The following RBFOX1 variants were observed in gnomAD, a reference collection of about 807,000 sequenced individuals.
RBFOX1 encodes the protein RNA binding protein fox-1 homolog 1.
A neutral mutation model predicts 57.7 loss-of-function variants in RBFOX1; 8 were observed. The observed-to-expected ratio is 0.14, with a 90% confidence interval of 0.08 to 0.25. RBFOX1 has a LOEUF of 0.25. RBFOX1 is among the 10% of genes least tolerant of loss of function. The pLI, the probability that RBFOX1 is intolerant of heterozygous loss-of-function variation, is 1.00. For missense variants in RBFOX1, 611 were observed against 548.5 expected (o/e 1.11, Z -1.14); for synonymous variants, 326 against 222.4 (o/e 1.47, Z -4.15).
intron 3 of RBFOX1, among the ~76,000 whole-genome samples, chr16:5,766,972 C>A (rs1436699882): frequency 3.3e-5 from 5 of 152,190 alleles, no homozygotes; most frequent in African/African-American, 1.2e-4. Flanking sequence ...TAGTTCCCAT[C>A]ACCTTATTTC....
intron 3 of RBFOX1, among the ~76,000 whole-genome samples, chr16:6,952,649 C>G (rs1299076071): frequency 2.0e-5 from 3 of 150,180 alleles, no homozygotes; most frequent in African/African-American, 7.3e-5. Flanking sequence ...CTCCTCCCTC[C>G]AAAAAAAAGA....
At chr16:7,492,416 T>A (rs1208250739) in intron 4 of RBFOX1, among the ~76,000 whole-genome samples, 1 of 152,006 alleles carries the variant, frequency 6.6e-6, no homozygotes, top group East Asian at 1.9e-4. Context: ...CTATAATCAT[T>A]CTTTAGTTTC....
chr16:6,427,761 C>A (rs1234906127), intron 2 of RBFOX1, among the ~76,000 whole-genome samples: 1 of 152,034 alleles, frequency 6.6e-6, no homozygotes, highest in Non-Finnish European at 1.5e-5. Flanking sequence ...CAGTGTGATA[C>A]AATGGTAGGA....
At chr16:5,869,602 A>C (rs4786064) in intron 4 of RBFOX1, among the ~76,000 whole-genome samples, 1 of 151,826 alleles carries the variant, frequency 6.6e-6, no homozygotes, top group Non-Finnish European at 1.5e-5. Flanking sequence ...GGGTTTCACC[A>C]TGTTGGCCAG....
chr16:6,314,171 G>C (rs1217282609), intron 1 of RBFOX1, among the ~76,000 whole-genome samples: 1 of 152,136 alleles, frequency 6.6e-6, no homozygotes, highest in Non-Finnish European at 1.5e-5. Flanking sequence ...CTGGAATGAA[G>C]GTCAATGTCC....
At chr16:5,497,424 A>G (rs1022357451) in intron 2 of RBFOX1, among the ~76,000 whole-genome samples, 13 of 151,996 alleles carry the variant, frequency 8.6e-5, no homozygotes, top group African/African-American at 2.2e-4. Flanking sequence ...ACTATGTGCT[A>G]TGTATTCAAC....
At chr16:7,374,489 C>G (rs113753366) in intron 4 of RBFOX1, among the ~76,000 whole-genome samples, 242 of 152,218 alleles carry the variant, frequency 1.6e-3, no homozygotes, top group Middle Eastern at 0.01. Context: ...CCAGCAGACT[C>G]TAGCCTTAAG....
rs187536432 is a variant in RBFOX1 at position 5,708,266 on chromosome 16, A to G, written c.318+109305A>G. Among the ~76,000 whole-genome samples the G allele has an allele frequency of 1.1e-4, 17 of 152,208 alleles. No individual in the cohort carries two copies. In the East Asian group the frequency reaches 2.9e-3, roughly 26 times the overall value. ...ATAATTTTGCTTATTCATTTGGTAAATATGTATCAAGCAGATGAAGTATGA... is the reference window on the plus strand; with the variant it reads ...ATAATTTTGCTTATTCATTTGGTAAGTATGTATCAAGCAGATGAAGTATGA... On this transcript the variant is annotated intron_variant, in intron 3 of 19. Transcript: ENST00000641259.
intron 3 of RBFOX1, among the ~76,000 whole-genome samples, chr16:5,625,939 C>T (rs1371113118): frequency 6.6e-6 from 1 of 152,018 alleles, no homozygotes; most frequent in Non-Finnish European, 1.5e-5. Context: ...TTCAATGGCA[C>T]AATCTCAGCT....
Position 6,678,755 on chromosome 16 carries a change from A to T in RBFOX1, c.-16+24105A>T, listed in dbSNP as rs778092860. 3.9e-5 allele frequency among the ~76,000 whole-genome samples: 6 copies of T among 152,226 alleles called. No homozygotes were observed. In the South Asian group the frequency reaches 1.0e-3, roughly 26 times the overall value. On this transcript the variant is annotated intron_variant, in intron 3 of 15. Coordinates refer to ENST00000550418, the MANE Select transcript of RBFOX1 (RefSeq NM_018723.4). ...CTGATTAATTGGAAGAAGTGCTAAG[A>T]TACCACTGACTTGAAGCTTTGAAAG...
intron 3 of RBFOX1, among the ~76,000 whole-genome samples, chr16:6,882,722 A>G (rs1187351771): frequency 2.0e-5 from 3 of 152,302 alleles, no homozygotes; most frequent in South Asian, 4.2e-4. Flanking sequence ...GGAGTCTGAC[A>G]TAACCAACGG....
intron 2 of RBFOX1, among the ~76,000 whole-genome samples, chr16:6,457,438 T>TCCC (rs60318595): frequency 0.05 from 2,701 of 53,564 alleles, 227 homozygotes; most frequent in African/African-American, 0.11. Context: ...TTTCCGGAAG[T>TCCC]CCCCCCCCCC....
chr16:6,581,644 C>G (rs1436989465), intron 2 of RBFOX1, among the ~76,000 whole-genome samples: 1 of 152,196 alleles, frequency 6.6e-6, no homozygotes, highest in African/African-American at 2.4e-5. Flanking sequence ...TTCTCAGAAA[C>G]AGGTGATCTA....
At chr16:6,023,322 C>G (rs1433642943) in intron 1 of RBFOX1, among the ~76,000 whole-genome samples, 2 of 151,816 alleles carry the variant, frequency 1.3e-5, no homozygotes, top group Non-Finnish European at 2.9e-5. Context: ...CACAGGTCTT[C>G]TAGACATCCT....
At chr16:6,161,388 T>TAAAA (rs57538647) in intron 1 of RBFOX1, among the ~76,000 whole-genome samples, 130 of 131,896 alleles carry the variant, frequency 9.9e-4, no homozygotes, top group African/African-American at 3.4e-3. Context: ...GACTCTGTCT[T>TAAAA]AAAAAAAAAA....
At chr16:7,255,855 A>G (rs1481732900) in intron 4 of RBFOX1, among the ~76,000 whole-genome samples, 2 of 152,208 alleles carry the variant, frequency 1.3e-5, no homozygotes. Flanking sequence ...ATTTCAGATC[A>G]GTCACATTTC....
At chr16:6,782,538 T>A (rs1430679094) in intron 3 of RBFOX1, among the ~76,000 whole-genome samples, 1 of 152,126 alleles carries the variant, frequency 6.6e-6, no homozygotes, top group Non-Finnish European at 1.5e-5. Flanking sequence ...GGGATTTTTA[T>A]GTCCAATAAA....
At chr16:6,213,926 C>G (rs965492830) in intron 1 of RBFOX1, among the ~76,000 whole-genome samples, 4 of 152,190 alleles carry the variant, frequency 2.6e-5, no homozygotes, top group African/African-American at 7.2e-5. Flanking sequence ...GCTCTCTACA[C>G]TCTAGATGCC....
At chr16:7,317,023 G>GT (rs771951579) in intron 4 of RBFOX1, among the ~76,000 whole-genome samples, 6 of 151,428 alleles carry the variant, frequency 4.0e-5, no homozygotes, top group Non-Finnish European at 5.9e-5. Flanking sequence ...TTAGGCAGGA[G>GT]TTAAATGACC....
Sources: gnomAD v4.1 joint callset for allele counts (sites outside exome capture counted in the v4.1 genomes callset) on GRCh38, gnomAD v4.1.1 for gene constraint, MANE v1.5 for transcripts, NCBI Gene and HGNC (gene_info 2026-07-23, HGNC 2026-07-21) for gene names.